Variants in FBXO7 observed in about 807,000 individuals in gnomAD.
The protein encoded by FBXO7 is F-box only protein 7.
Under a neutral mutation model 50.2 loss-of-function variants are expected in FBXO7, and 31 were observed. That is an observed-to-expected ratio of 0.62 (90% confidence interval 0.46 to 0.83). The LOEUF (loss-of-function observed/expected upper bound fraction) is 0.83, where lower values mean the gene tolerates loss of function less well. FBXO7 is among the 40% of genes least tolerant of loss of function. FBXO7 has a pLI of 0.00. For synonymous variants in FBXO7, 256 were observed against 253.1 expected, an observed-to-expected ratio of 1.01 and a Z score of -0.11; for missense variants, 667 against 646.6, an observed-to-expected ratio of 1.03 and a Z score of -0.34.
Position 32,494,490 on chromosome 22 carries a change from C to T in FBXO7, c.1145-1003C>T, listed in dbSNP as rs577194087. Among the ~76,000 whole-genome samples, 5 of 152,092 alleles carry T rather than the reference C, an allele frequency of 3.3e-5. No homozygotes were observed. The South Asian group carries it at 6.2e-4, about 19-fold the overall frequency. ...TAAGTAGCTGAGAACTGTAGGCATG[C>T]GCCCCCACACCTGGCCAATTTTTGT... On this transcript the variant is annotated intron_variant, in intron 7 of 8. Coordinates refer to ENST00000266087, the MANE Select transcript of FBXO7 (RefSeq NM_012179.4).
At chr22:32,477,403 T>G (rs1319381126) in intron 1 of FBXO7, among the ~76,000 whole-genome samples, 3 of 152,216 alleles carry the variant, frequency 2.0e-5, no homozygotes, top group Non-Finnish European at 4.4e-5. Context: ...TTAAAAATGT[T>G]TTATAATGTT....
chr22:32,486,335 T>C (rs1043407478), intron 4 of FBXO7, among the ~76,000 whole-genome samples: 1 of 152,132 alleles, frequency 6.6e-6, no homozygotes, highest in African/African-American at 2.4e-5. Flanking sequence ...TTACAAAGTT[T>C]CTTTTTTCTT....
intron 8 of FBXO7, 110 bp from the exon 9 acceptor site, chr22:32,498,034 T>G (rs2057586608): frequency 8.1e-7 from 1 of 1,240,830 alleles, no homozygotes; most frequent in Non-Finnish European, 1.2e-6. Flanking sequence ...AAATCCACAA[T>G]ATGTCTGAGG....
chr22:32,483,492 AG>A (rs1419361915), intron 2 of FBXO7, among the ~76,000 whole-genome samples: 1 of 152,244 alleles, frequency 6.6e-6, no homozygotes, highest in African/African-American at 2.4e-5. Flanking sequence ...AAGTTGAAGA[AG>A]GGATACTTGC....
At chr22:32,480,140 T>C (rs2057455339) in intron 2 of FBXO7, among the ~76,000 whole-genome samples, 1 of 152,234 alleles carries the variant, frequency 6.6e-6, no homozygotes, top group African/African-American at 2.4e-5. Context: ...GTCTGTTTTC[T>C]GGATTTGCCT....
intron 7 of FBXO7, among the ~76,000 whole-genome samples, chr22:32,493,777 G>A (rs777622735): frequency 2.2e-4 from 34 of 151,918 alleles, no homozygotes; most frequent in Non-Finnish European, 3.7e-4. Flanking sequence ...GCCTGATTGT[G>A]GAACTTTTTT....
chr22:32,496,911 G>C (rs527480520), intron 8 of FBXO7, among the ~76,000 whole-genome samples: 1 of 152,212 alleles, frequency 6.6e-6, no homozygotes, highest in Non-Finnish European at 1.5e-5. Context: ...ATGCCATTAA[G>C]CATACTGAGG....
At chr22:32,487,200 A>G (rs1454780467) in intron 4 of FBXO7, 1 of 154,260 alleles carries the variant, frequency 6.5e-6, no homozygotes, top group East Asian at 1.9e-4. Flanking sequence ...GCACATGTGC[A>G]TAAGCACATC....
At chr22:32,484,995 CTT>C (rs760079916) in intron 3 of FBXO7, 71 bp from the exon 4 acceptor site, 56 of 1,594,552 alleles carry the variant, frequency 3.5e-5, no homozygotes, top group Non-Finnish European at 4.4e-5. Flanking sequence ...AGTTAGGAGT[CTT>C]TTGGATTTTT....
intron 8 of FBXO7, among the ~76,000 whole-genome samples, chr22:32,496,473 CTCTG>C (rs2057575561): frequency 6.6e-6 from 1 of 151,494 alleles, no homozygotes; most frequent in African/African-American, 2.4e-5. Flanking sequence ...CAGTGTGAGA[CTCTG>C]TCTCAAAAAA....
chr22:32,485,281 C>T, intron 4 of FBXO7, 72 bp downstream of exon 4: 1 of 1,579,400 alleles, frequency 6.3e-7, no homozygotes, highest in Non-Finnish European at 8.7e-7. Context: ...GTTTTATAGC[C>T]ACTTCAGTGA....
intron 2 of FBXO7, among the ~76,000 whole-genome samples, chr22:32,479,859 T>C (rs571527664): frequency 1.3e-5 from 2 of 152,236 alleles, no homozygotes; most frequent in Non-Finnish European, 2.9e-5. Flanking sequence ...TCATGATTCC[T>C]AGCCTTGCTT....
At chr22:32,485,348 C>T in intron 4 of FBXO7, 139 bp downstream of exon 4, 4 of 1,105,686 alleles carry the variant, frequency 3.6e-6, no homozygotes, top group Non-Finnish European at 5.4e-6. Context: ...TCCTAGGCCA[C>T]TGATAACATG....
At chr22:32,490,884 A>T (rs1334528845) in intron 5 of FBXO7, 2 of 536,594 alleles carry the variant, frequency 3.7e-6, no homozygotes, top group Non-Finnish European at 6.7e-6. Flanking sequence ...ATTTGATATC[A>T]TGGAATTTTT....
rs2146002750 is a variant in FBXO7, at chr22:32,493,129, G to T, written c.992G>T (p.Gly331Val). 6.2e-7 allele frequency: 1 copy of T among 1,614,092 alleles called. No homozygotes were observed. The highest frequency in any genetic ancestry group is 8.5e-7 in the Non-Finnish European group (1 of 1,180,002). Residue 331 changes from glycine to valine, a missense_variant, in exon 7 of 9, where the codon GGG (glycine) becomes GTG (valine). Coordinates refer to ENST00000266087, the MANE Select transcript of FBXO7 (RefSeq NM_012179.4). ...RQALNLPDVFGLVVLPLELKL... is the reference protein window; with the variant it reads ...RQALNLPDVFVLVVLPLELKL... Reference sequence around the variant, plus strand: ...GCACTGAACCTACCAGATGTATTTGGGTTGGTCGTCCTCCCATTGGAACTG... The same window carrying T: ...GCACTGAACCTACCAGATGTATTTGTGTTGGTCGTCCTCCCATTGGAACTG...
In FBXO7 at chr22:32,491,166, G is replaced by A. The variant is rs779951789; in HGVS notation, c.952G>A (p.Ala318Thr). 4 of 1,606,554 alleles carry A rather than the reference G, an allele frequency of 2.5e-6. No individual in the cohort carries two copies. In the Admixed American group the frequency reaches 6.7e-5, roughly 27 times the overall value. The change falls in exon 6 of 9, where the codon GCT becomes ACT. Residue 318 changes from alanine to threonine, a missense_variant. Physicochemically the swap from Ala to Thr is moderately conservative, Grantham distance 58. Coordinates refer to ENST00000266087, the MANE Select transcript of FBXO7 (RefSeq NM_012179.4). ...AGACCAGCTGGTGTATCCTCTTCTG[G>A]CTTTTACCCGACAAGGTAAGAGATG... is the stretch of plus-strand genomic sequence containing the variant. ...FKDQLVYPLLAFTRQALNLPD... is the reference protein window; with the variant it reads ...FKDQLVYPLLTFTRQALNLPD...
intron 8 of FBXO7, among the ~76,000 whole-genome samples, chr22:32,496,716 T>C (rs574992365): frequency 9.2e-5 from 14 of 152,322 alleles, no homozygotes; most frequent in Admixed American, 4.6e-4. Context: ...TTCAAGGAGA[T>C]TAACGTTTTC....
In FBXO7 at chr22:32,485,217, G is replaced by T; in HGVS notation, c.787+8G>T. The stretch of plus-strand genomic sequence containing the variant: ...ACCTGATTGTTGTAAATGGTAATTG[G>T]ATAGCATAGTCATGGTTGCTGGTTT... On this transcript the variant is annotated splice_region_variant and intron_variant, in intron 4 of 8. Transcript: ENST00000266087. 5 of 1,614,058 alleles carry T rather than the reference G, an allele frequency of 3.1e-6. No homozygotes were observed. Among genetic ancestry groups the T allele is most frequent in the Non-Finnish European group, 4.2e-6 (5 of 1,179,952 alleles).
intron 8 of FBXO7, 28 bp downstream of exon 8, chr22:32,495,558 T>TTA: frequency 2.2e-6 from 3 of 1,337,910 alleles, no homozygotes; most frequent in Non-Finnish European, 3.2e-6. Context: ...TTAAGACTAA[T>TTA]GTCCATAACA....
Sources: allele counts gnomAD v4.1 joint callset (sites outside exome capture counted in the v4.1 genomes callset), GRCh38; gene constraint gnomAD v4.1.1; transcripts MANE v1.5; gene names NCBI Gene and HGNC (gene_info 2026-07-23, HGNC 2026-07-21).